Variants in NDRG2 observed in about 807,000 individuals in gnomAD.
NDRG2 encodes the protein protein NDRG2.
A neutral mutation model predicts 58.2 loss-of-function variants in NDRG2; 34 were observed. The observed-to-expected ratio is 0.58, with a 90% CI of 0.44 to 0.78. The LOEUF (loss-of-function observed/expected upper bound fraction) is 0.78, where lower values mean the gene tolerates loss of function less well. NDRG2 is among the 30% of genes least tolerant of loss of function. The pLI, the probability that NDRG2 is intolerant of heterozygous loss-of-function variation, is 0.00. For missense variants in NDRG2, 434 were observed against 471.2 expected, an observed-to-expected ratio of 0.92 and a Z score of 0.73; for synonymous variants, 187 against 175.9, an observed-to-expected ratio of 1.06 and a Z score of -0.50.
At chr14:21,042,948 C>G (rs1594496691) in intron 1 of NDRG2, 3 of 1,551,334 alleles carry the variant, frequency 1.9e-6, no homozygotes, top group Middle Eastern at 3.5e-4. Context: ...ACACCTCTGT[C>G]CCAGCGACCC....
In NDRG2 at chr14:21,017,315, C is replaced by T. The variant is rs1877297981; in HGVS notation, c.*281G>A. The T allele has an allele frequency of 2.6e-5, 13 of 491,086 alleles. 2 individuals are homozygous for T. The South Asian group carries it at 2.7e-4, about 10-fold the overall frequency. The allele number at this position is 491,086 out of a possible 1,614,324, so 30.4% of individuals were successfully genotyped here. ...TCAGCTATAGACACCTAGATCAGGACAGAGGATGCATATGCCCTCTCCACC... is the reference window on the plus strand; with the variant it reads ...TCAGCTATAGACACCTAGATCAGGATAGAGGATGCATATGCCCTCTCCACC... On this transcript the variant is annotated 3_prime_UTR_variant, in exon 16 of 16. Coordinates refer to ENST00000556147, the MANE Select transcript of NDRG2 (RefSeq NM_001320329.2).
intron 1 of NDRG2, among the ~76,000 whole-genome samples, chr14:21,049,856 C>G (rs984604537): frequency 6.6e-6 from 1 of 151,186 alleles, no homozygotes; most frequent in Non-Finnish European, 1.5e-5. Flanking sequence ...CCTTGTTGAG[C>G]TTTTTGGCCT....
chr14:21,057,815 G>A, intron 1 of NDRG2: 1 of 1,267,632 alleles, frequency 7.9e-7, no homozygotes, highest in Non-Finnish European at 1.1e-6. Flanking sequence ...ATTCTTAGAA[G>A]GACTAACAAG....
intron 6 of NDRG2, chr14:21,021,177 G>T: frequency 4.1e-6 from 2 of 490,572 alleles, no homozygotes; most frequent in South Asian, 3.2e-5. Flanking sequence ...AGTTCAACTT[G>T]TTCTGCTTTA....
chr14:21,065,126 G>A (rs1174749468), intron 1 of NDRG2, among the ~76,000 whole-genome samples: 1 of 151,256 alleles, frequency 6.6e-6, no homozygotes, highest in Non-Finnish European at 1.5e-5. Flanking sequence ...AGTCGAGATT[G>A]TACCACTGCA....
chr14:21,019,176 A>G lies in NDRG2; in HGVS notation c.717-16T>C, dbSNP rs200612791. 1.1e-4 allele frequency: 183 copies of G among 1,607,386 alleles called. No homozygotes were observed. In the African/African-American group the frequency reaches 2.1e-3, roughly 19 times the overall value. On this transcript the variant is annotated splice_polypyrimidine_tract_variant and intron_variant, in intron 10 of 15. Transcript: ENST00000556147. Reference sequence around the variant, plus strand: ...GTCTCGGCGGCTAGAAAGGGGTTAAAAGAGTAGGAATTTTAGGTGGGCAAT... The same window carrying G: ...GTCTCGGCGGCTAGAAAGGGGTTAAGAGAGTAGGAATTTTAGGTGGGCAAT...
At chr14:21,026,152 G>A (rs1351598204), upstream of NDRG2, among the ~76,000 whole-genome samples, 2 of 149,612 alleles carry the variant, frequency 1.3e-5, no homozygotes, top group East Asian at 1.9e-4. Context: ...ACACGCACAC[G>A]CACACACACA....
At chr14:21,036,800 C>T (rs1884656312) in intron 1 of NDRG2, among the ~76,000 whole-genome samples, 1 of 152,232 alleles carries the variant, frequency 6.6e-6, no homozygotes, top group Non-Finnish European at 1.5e-5. Flanking sequence ...AAAGCCTCTG[C>T]TGGGAAGACC....
At chr14:21,045,144 A>G (rs1885088915) in intron 1 of NDRG2, among the ~76,000 whole-genome samples, 1 of 152,194 alleles carries the variant, frequency 6.6e-6, no homozygotes, top group Non-Finnish European at 1.5e-5. Flanking sequence ...ACCCCCACTA[A>G]GGTCTCCCGA....
rs1882310380 is a variant in NDRG2 at position 21,023,983 on chromosome 14, G to GCAGAGCACCTGGACAT, written c.-7+46_-7+47insATGTCCAGGTGCTCTG. 3.0e-6 allele frequency: 3 copies of GCAGAGCACCTGGACAT among 985,940 alleles called. No homozygotes were observed. The African/African-American group carries it at 5.2e-5, about 17-fold the overall frequency. The allele number at this position is 985,940 out of a possible 1,614,324, so 61.1% of individuals were successfully genotyped here. ...GGGTGAGGAGCAGAGCACCTGGACA[G>GCAGAGCACCTGGACAT]ACCTGCACAGGAAGGAGCCTGCAGC... On this transcript the variant is annotated intron_variant, in intron 1 of 15. Transcript: ENST00000556147.
At chr14:21,067,276 A>C (rs1036756091) in intron 1 of NDRG2, among the ~76,000 whole-genome samples, 1 of 79,330 alleles carries the variant, frequency 1.3e-5, no homozygotes, top group Non-Finnish European at 3.1e-5. Context: ...GTCTAGAAAA[A>C]GGTAGGTTTT....
upstream of NDRG2, chr14:21,025,695 GT>G (rs1883495749): frequency 1.0e-6 from 1 of 984,944 alleles, no homozygotes; most frequent in Non-Finnish European, 1.2e-6. This position sits in a 1 kb window ranked among gnomAD's most constrained non-coding sequence, Gnocchi z 5.1. Flanking sequence ...TCTTTGCTGC[GT>G]CCCGACGCCT....
rs1355914818 is a variant in NDRG2 at position 21,018,570 on chromosome 14, C to T, written c.814-66G>A. 19 of 1,584,888 alleles carry T rather than the reference C, an allele frequency of 1.2e-5. No homozygotes were observed. The Admixed American group carries it at 3.4e-4, about 29-fold the overall frequency. On this transcript the variant is annotated intron_variant, in intron 12 of 15. Transcript: ENST00000556147. Reference sequence around the variant, plus strand: ...CTGTGGCGCCTCCCCCGTAAGGGACCCAGGAACCCAGACCCCAGTCCCTTT... The same window carrying T: ...CTGTGGCGCCTCCCCCGTAAGGGACTCAGGAACCCAGACCCCAGTCCCTTT...
intron 1 of NDRG2, among the ~76,000 whole-genome samples, chr14:21,061,160 T>C (rs1389517189): frequency 6.6e-6 from 1 of 152,200 alleles, no homozygotes; most frequent in Non-Finnish European, 1.5e-5. Context: ...GTTTCATTCA[T>C]CCCAAAGTTC....
intron 1 of NDRG2, among the ~76,000 whole-genome samples, chr14:21,056,680 T>C (rs952938682): frequency 6.6e-6 from 1 of 152,232 alleles, no homozygotes; most frequent in East Asian, 1.9e-4. Context: ...TCTGCTCCTA[T>C]GGGAAACTCT....
chr14:21,022,720 G>A (rs181453693), intron 3 of NDRG2, 144 bp downstream of exon 3: 2 of 740,138 alleles, frequency 2.7e-6, no homozygotes, highest in Non-Finnish European at 4.5e-6. Context: ...GGGAAGGAAG[G>A]AGAGGGGAGA....
chr14:21,031,408 G>A, intron 1 of NDRG2: 1 of 496,036 alleles, frequency 2.0e-6, no homozygotes. Context: ...ATCTGAGCCA[G>A]GCAATTAGGG....
rs749776422 is a variant in NDRG2, at chr14:21,023,280, C to A, written c.36G>T (p.Glu12Asp). Residue 12 changes from glutamate to aspartate, a missense_variant, in exon 2 of 16, where the codon GAG becomes GAT. Glu to Asp is a conservative substitution (Grantham distance 45). Transcript: ENST00000556147. ...GCGTCTGTCCTGGCAACAGTGGCTTCTCCTCTGTGATCTGCACCTCCTGCA... is the reference window on the plus strand; with the variant it reads ...GCGTCTGTCCTGGCAACAGTGGCTTATCCTCTGTGATCTGCACCTCCTGCA... ...AELQEVQITE[E>D]KPLLPGQTPE... The A allele has an allele frequency of 3.7e-6, 6 of 1,613,444 alleles. No homozygotes were observed. Among genetic ancestry groups the A allele is most frequent in the Non-Finnish European group, 5.1e-6 (6 of 1,179,876 alleles).
At chr14:21,058,292 G>A in intron 1 of NDRG2, 1 of 1,614,118 alleles carries the variant, frequency 6.2e-7, no homozygotes, top group Non-Finnish European at 8.5e-7. Flanking sequence ...AGTGGCCTGT[G>A]ACCCTCCACA....
Sources: allele counts gnomAD v4.1 joint callset (sites outside exome capture counted in the v4.1 genomes callset), GRCh38; gene constraint gnomAD v4.1.1; non-coding constraint Gnocchi (gnomAD v3.1); transcripts MANE v1.5; gene names NCBI Gene and HGNC (gene_info 2026-07-23, HGNC 2026-07-21).